Variants in GSTCD observed in about 807,000 individuals in gnomAD.
GSTCD encodes the protein glutathione S-transferase C-terminal domain-containing protein.
In GSTCD, 44 loss-of-function variants were observed where a neutral mutation model predicts 68.3. The observed-to-expected ratio is 0.64, with a 90% CI of 0.51 to 0.83. GSTCD has a LOEUF of 0.83. GSTCD is among the 40% of genes least tolerant of loss of function. GSTCD has a pLI of 0.00. For synonymous variants in GSTCD, 273 were observed against 255.2 expected, an observed-to-expected ratio of 1.07 and a Z score of -0.67; for missense variants, 739 against 735.9, an observed-to-expected ratio of 1.00 and a Z score of -0.05.
At chr4:105,716,612 A>G (rs1732688876) in intron 1 of GSTCD, among the ~76,000 whole-genome samples, 1 of 152,022 alleles carries the variant, frequency 6.6e-6, no homozygotes, top group South Asian at 2.1e-4. Flanking sequence ...TCTAGGTTGC[A>G]CTCTCCTTAT....
intron 5 of GSTCD, among the ~76,000 whole-genome samples, chr4:105,802,705 C>G (rs1392432428): frequency 1.3e-5 from 2 of 152,026 alleles, no homozygotes; most frequent in Non-Finnish European, 2.9e-5. Context: ...TTCTCTCTGT[C>G]CTCTTCTTTG....
chr4:105,799,882 A>G (rs887165653), intron 5 of GSTCD, among the ~76,000 whole-genome samples: 6 of 152,104 alleles, frequency 3.9e-5, no homozygotes, highest in Non-Finnish European at 5.9e-5. Context: ...AGAAAGAGGT[A>G]TATCTGCTTG....
At chr4:105,800,405 G>A (rs1002973744) in intron 5 of GSTCD, among the ~76,000 whole-genome samples, 1 of 152,148 alleles carries the variant, frequency 6.6e-6, no homozygotes, top group African/African-American at 2.4e-5. Flanking sequence ...TTCAAGATGA[G>A]ATTTGGGTGG....
intron 5 of GSTCD, among the ~76,000 whole-genome samples, chr4:105,756,495 T>TAC (rs3055931): frequency 0.018 from 2,544 of 139,436 alleles, 51 homozygotes; most frequent in African/African-American, 0.048. Context: ...CCTATGCACA[T>TAC]ACACACACAC....
At chr4:105,750,342 C>T (rs1007431450) in intron 5 of GSTCD, among the ~76,000 whole-genome samples, 4 of 151,858 alleles carry the variant, frequency 2.6e-5, no homozygotes, top group Non-Finnish European at 5.9e-5. Context: ...TGCCTGTAAT[C>T]CTAGCTACTC....
chr4:105,841,392 A>G (rs1724333297), intron 10 of GSTCD, among the ~76,000 whole-genome samples: 1 of 152,176 alleles, frequency 6.6e-6, no homozygotes, highest in Non-Finnish European at 1.5e-5. Context: ...CAGAGTTTCA[A>G]ATACATTTTA....
chr4:105,736,410 T>C (rs903131948), intron 5 of GSTCD, among the ~76,000 whole-genome samples: 1 of 152,054 alleles, frequency 6.6e-6, no homozygotes, highest in African/African-American at 2.4e-5. Flanking sequence ...CACTTAGCAT[T>C]GGTTTTTCAG....
At chr4:105,727,713 G>T (rs941334362) in intron 4 of GSTCD, among the ~76,000 whole-genome samples, 1 of 151,124 alleles carries the variant, frequency 6.6e-6, no homozygotes, top group Admixed American at 6.6e-5. Flanking sequence ...GAATGCATAT[G>T]CTTTATTTTT....
At chr4:105,773,820 A>T (rs936200126) in intron 5 of GSTCD, among the ~76,000 whole-genome samples, 8 of 152,178 alleles carry the variant, frequency 5.3e-5, no homozygotes, top group Non-Finnish European at 1.2e-4. Context: ...GCTGAGAAGA[A>T]TGTATATTCT....
At chr4:105,840,168 A>G (rs1309320702) in intron 10 of GSTCD, 5 of 451,158 alleles carry the variant, frequency 1.1e-5, no homozygotes, top group Non-Finnish European at 2.2e-5. Context: ...GAGACTTATC[A>G]GTACAAGAGA....
intron 5 of GSTCD, among the ~76,000 whole-genome samples, chr4:105,804,616 A>G (rs1736259654): frequency 6.6e-6 from 1 of 152,056 alleles, no homozygotes; most frequent in South Asian, 2.1e-4. Flanking sequence ...TACTTATTCT[A>G]TTCTAAAATA....
chr4:105,736,289 G>C (rs1733459860), intron 5 of GSTCD, among the ~76,000 whole-genome samples: 1 of 152,084 alleles, frequency 6.6e-6, no homozygotes, highest in African/African-American at 2.4e-5. Flanking sequence ...ATTTTAGACT[G>C]TGAATTCATT....
intron 5 of GSTCD, among the ~76,000 whole-genome samples, chr4:105,758,659 A>T (rs1408645552): frequency 6.6e-6 from 1 of 152,144 alleles, no homozygotes; most frequent in Non-Finnish European, 1.5e-5. Context: ...GTATTTCTTT[A>T]TAGTAGTGCA....
chr4:105,733,962 A>T (rs1733354290), intron 5 of GSTCD, among the ~76,000 whole-genome samples: 1 of 152,124 alleles, frequency 6.6e-6, no homozygotes. Context: ...GTTTGGCTGG[A>T]TATGAAATTC....
intron 5 of GSTCD, among the ~76,000 whole-genome samples, chr4:105,744,983 A>G (rs1011580369): frequency 1.3e-5 from 2 of 152,174 alleles, no homozygotes; most frequent in African/African-American, 4.8e-5. Context: ...TCTTTTATCC[A>G]TCTATCTATA....
chr4:105,814,875 G>T lies in GSTCD; in HGVS notation c.1241-8079G>T, dbSNP rs2287625. Among the ~76,000 whole-genome samples, 520 of 152,258 alleles carry T rather than the reference G, an allele frequency of 3.4e-3. 11 individuals carry two copies. The highest frequency in any genetic ancestry group is 5.2e-3 in the East Asian group (27 of 5,182). On this transcript the variant is annotated intron_variant, in intron 5 of 11. Transcript: ENST00000515279. ...TGTAAAGTTAGGATCCTTAGAAAGGGAAAAGGAATGGTAGAACTGGAATGC... is the reference window on the plus strand; with the variant it reads ...TGTAAAGTTAGGATCCTTAGAAAGGTAAAAGGAATGGTAGAACTGGAATGC...
At chr4:105,741,448 T>C (rs1302040404) in intron 5 of GSTCD, among the ~76,000 whole-genome samples, 1 of 152,246 alleles carries the variant, frequency 6.6e-6, no homozygotes, top group African/African-American at 2.4e-5. Context: ...AGTTGTAATA[T>C]AGATTTTGAA....
At chr4:105,797,559 A>G (rs1005974004) in intron 5 of GSTCD, among the ~76,000 whole-genome samples, 8 of 152,106 alleles carry the variant, frequency 5.3e-5, no homozygotes, top group Admixed American at 1.3e-4. Context: ...GCAAGTCATA[A>G]TATTTTTGCT....
chr4:105,842,197 A>G, intron 11 of GSTCD, 63 bp downstream of exon 11: 4 of 1,337,774 alleles, frequency 3.0e-6, no homozygotes, highest in Admixed American at 3.5e-5. Context: ...GAATGATTGG[A>G]CCAAGTCTAT....
Sources: gnomAD v4.1 joint callset for allele counts (sites outside exome capture counted in the v4.1 genomes callset) on GRCh38, gnomAD v4.1.1 for gene constraint, MANE v1.5 for transcripts, NCBI Gene and HGNC (gene_info 2026-07-23, HGNC 2026-07-21) for gene names.